TBC1D4: variants seen among roughly 807,000 people sequenced by gnomAD.
TBC1D4 encodes TBC (Tre-2, BUB2, CDC16) domain-containing protein.
Under a neutral mutation model 142.5 loss-of-function variants are expected in TBC1D4, and 121 were observed. That is an observed-to-expected ratio of 0.85 (90% confidence interval 0.73 to 0.99). The LOEUF is 0.99. Ranked by LOEUF, TBC1D4 falls within the 50% of genes least tolerant of loss-of-function variation. The probability of loss-of-function intolerance (pLI) is 0.00; values close to 1 mark genes in which losing one functional copy is unlikely to be tolerated. For synonymous variants in TBC1D4, 630 were observed against 628.2 expected, an observed-to-expected ratio of 1.00 and a Z score of -0.04; for missense variants, 1,475 against 1,606.6, an observed-to-expected ratio of 0.92 and a Z score of 1.40.
In TBC1D4 at chr13:75,345,814, G is replaced by A. The variant is rs142586720; in HGVS notation, c.1408+3356C>T. On this transcript the variant is annotated intron_variant, in intron 5 of 20. Coordinates refer to ENST00000377636, the MANE Select transcript of TBC1D4 (RefSeq NM_014832.5). ...TCAAGATCCAGCTATATGTCTACAC[G>A]GAGTCCTTTGTATAAGTGATAGCTC... Among the ~76,000 whole-genome samples, 44 of 152,088 alleles carry A rather than the reference G, an allele frequency of 2.9e-4. No homozygotes were observed. In the East Asian group the frequency reaches 7.7e-3, roughly 27 times the overall value.
intron 1 of TBC1D4, among the ~76,000 whole-genome samples, chr13:75,415,272 C>T (rs1287244718): frequency 6.6e-6 from 1 of 152,136 alleles, no homozygotes; most frequent in Non-Finnish European, 1.5e-5. Flanking sequence ...TGACAGAAGA[C>T]ATCCAGTTGT....
chr13:75,320,045 A>G lies in TBC1D4; in HGVS notation c.2199-8T>C. On this transcript the variant is annotated splice_polypyrimidine_tract_variant and splice_region_variant and intron_variant, in intron 11 of 20. Coordinates refer to ENST00000377636, the MANE Select transcript of TBC1D4 (RefSeq NM_014832.5). Reference sequence around the variant, plus strand: ...TCTGAAGCAGTGTCTTGTCTGGTACAACAGGAAAACAAGGAATGGAATTAG... The same window carrying G: ...TCTGAAGCAGTGTCTTGTCTGGTACGACAGGAAAACAAGGAATGGAATTAG... 6.2e-7 allele frequency: 1 copy of G among 1,613,410 alleles called. No individual in the cohort carries two copies. The highest frequency in any genetic ancestry group is 8.5e-7 in the Non-Finnish European group (1 of 1,179,628).
intron 1 of TBC1D4, among the ~76,000 whole-genome samples, chr13:75,383,931 C>G (rs1184155342): frequency 6.6e-6 from 1 of 152,076 alleles, no homozygotes; most frequent in Admixed American, 6.6e-5. Flanking sequence ...CTGAACTATT[C>G]TTTCTCATCT....
At chr13:75,402,242 A>G (rs984092392) in intron 1 of TBC1D4, among the ~76,000 whole-genome samples, 4 of 152,236 alleles carry the variant, frequency 2.6e-5, no homozygotes, top group Non-Finnish European at 5.9e-5. Flanking sequence ...ATATTATCAA[A>G]TAAACTAAAA....
chr13:75,365,013 C>A (rs12875937), intron 1 of TBC1D4, among the ~76,000 whole-genome samples: 244 of 152,250 alleles, frequency 1.6e-3, no homozygotes, highest in Non-Finnish European at 2.9e-3. Context: ...ATTTCTCTAC[C>A]GCCATATCAA....
intron 13 of TBC1D4, 108 bp downstream of exon 13, chr13:75,312,630 T>C: frequency 1.4e-6 from 2 of 1,431,440 alleles, no homozygotes; most frequent in African/African-American, 1.4e-5. Flanking sequence ...TACAGAAAGA[T>C]ATTTCTACAC....
intron 1 of TBC1D4, among the ~76,000 whole-genome samples, chr13:75,412,632 A>T (rs1885728523): frequency 6.6e-6 from 1 of 152,138 alleles, no homozygotes; most frequent in South Asian, 2.1e-4. Context: ...TCACCTCTAA[A>T]TAAAGTCAAA....
intron 1 of TBC1D4, among the ~76,000 whole-genome samples, chr13:75,400,366 C>G (rs1463046191): frequency 6.6e-6 from 1 of 152,136 alleles, no homozygotes; most frequent in South Asian, 2.1e-4. Context: ...TACCCATTCA[C>G]CCATTTACCA....
intron 19 of TBC1D4, among the ~76,000 whole-genome samples, chr13:75,290,323 A>T (rs8001631): frequency 0.22 from 34,065 of 152,024 alleles, 4,017 homozygotes; most frequent in African/African-American, 0.25. Flanking sequence ...AATAAAGTTC[A>T]TCAAAGTCTC....
Position 75,286,253 on chromosome 13 carries a change from A to G in TBC1D4, c.*539T>C, listed in dbSNP as rs1345646155. On this transcript the variant is annotated 3_prime_UTR_variant, in exon 21 of 21. Transcript: ENST00000377636. ...TGACCAGTAATCATTTTCCTCATAT[A>G]GACAATGTCAGTAGATATCAAGACA... is the stretch of plus-strand genomic sequence containing the variant. 1 of 154,322 alleles carries G rather than the reference A, an allele frequency of 6.5e-6. No homozygotes were observed. The highest frequency in any genetic ancestry group is 1.4e-5 in the Non-Finnish European group (1 of 69,220). 9.6% of individuals were successfully genotyped at this position (154,322 alleles called of 1,614,324 possible).
intron 1 of TBC1D4, among the ~76,000 whole-genome samples, chr13:75,364,289 T>G (rs1349484159): frequency 6.6e-6 from 1 of 152,206 alleles, no homozygotes; most frequent in Non-Finnish European, 1.5e-5. Context: ...GTTAACAGTT[T>G]ATTGCCACAT....
chr13:75,287,035 G>A lies in TBC1D4; in HGVS notation c.3664-10C>T. ...TTTTAGTATGAGCTACCTGTTTGGGGGGGAAAAAATCCTCCAAATCAAATG... is the reference window on the plus strand; with the variant it reads ...TTTTAGTATGAGCTACCTGTTTGGGAGGGAAAAAATCCTCCAAATCAAATG... On this transcript the variant is annotated splice_polypyrimidine_tract_variant and intron_variant, in intron 20 of 20. Transcript: ENST00000377636. The A allele has an allele frequency of 1.3e-6, 2 of 1,598,974 alleles. No individual in the cohort carries two copies. The highest frequency in any genetic ancestry group is 4.5e-5 in the East Asian group (2 of 44,856).
At chr13:75,395,331 G>A (rs1884730188) in intron 1 of TBC1D4, among the ~76,000 whole-genome samples, 2 of 152,186 alleles carry the variant, frequency 1.3e-5, no homozygotes, top group African/African-American at 4.8e-5. Flanking sequence ...ACAAGACTCA[G>A]TTCAAACTAG....
intron 20 of TBC1D4, 113 bp downstream of exon 20, chr13:75,288,821 G>A (rs1874955972): frequency 2.7e-6 from 3 of 1,127,376 alleles, no homozygotes; most frequent in Non-Finnish European, 4.0e-6. Context: ...TGATACATGG[G>A]CTCTTGGTTA....
chr13:75,455,410 T>C (rs1257716531), intron 1 of TBC1D4, among the ~76,000 whole-genome samples: 1 of 152,006 alleles, frequency 6.6e-6, no homozygotes, highest in African/African-American at 2.4e-5. Flanking sequence ...GCTAATAAAA[T>C]TGGAGTTTAA....
At chr13:75,302,209 C>CT in intron 16 of TBC1D4, 34 bp downstream of exon 16, 1 of 1,613,620 alleles carries the variant, frequency 6.2e-7, no homozygotes, top group Non-Finnish European at 8.5e-7. Flanking sequence ...CAGCTGTTTA[C>CT]TTTTGTAAAT....
intron 1 of TBC1D4, among the ~76,000 whole-genome samples, chr13:75,393,116 TACACACACAC>T (rs34205789): frequency 0.014 from 1,969 of 141,470 alleles, 47 homozygotes; most frequent in African/African-American, 0.049. Flanking sequence ...TAAATTAAAA[TACACACACAC>T]ACACACACAC....
chr13:75,324,452 T>C, intron 10 of TBC1D4, 51 bp from the exon 11 acceptor site: 1 of 1,601,316 alleles, frequency 6.2e-7, no homozygotes, highest in Non-Finnish European at 8.5e-7. Context: ...TTTGACAAAA[T>C]CTTCATTCAC....
intron 20 of TBC1D4, among the ~76,000 whole-genome samples, chr13:75,287,608 T>C (rs778830127): frequency 6.6e-6 from 1 of 151,530 alleles, no homozygotes; most frequent in Non-Finnish European, 1.5e-5. Context: ...AAATGGACAA[T>C]ATACTAACCA....
Sources: allele counts gnomAD v4.1 joint callset (sites outside exome capture counted in the v4.1 genomes callset), GRCh38; gene constraint gnomAD v4.1.1; transcripts MANE v1.5; gene names NCBI Gene and HGNC (gene_info 2026-07-23, HGNC 2026-07-21).